The following DLGAP2 variants were observed in gnomAD, a reference collection of about 807,000 sequenced individuals.
The protein encoded by DLGAP2 is disks large-associated protein 2.
Under a neutral mutation model 100.3 loss-of-function variants are expected in DLGAP2, and 26 were observed. That is an observed-to-expected ratio of 0.26 (90% confidence interval 0.19 to 0.36). The LOEUF is 0.36. Among genes scored for constraint, DLGAP2 ranks in the 10% least tolerant of loss-of-function variants. The pLI, the probability that DLGAP2 is intolerant of heterozygous loss-of-function variation, is 1.00. For missense variants in DLGAP2, 1,858 were observed against 1,453.2 expected (o/e 1.28, Z -4.53); for synonymous variants, 886 against 630.1 (o/e 1.41, Z -6.08).
intron 1 of DLGAP2, among the ~76,000 whole-genome samples, chr8:763,754 C>G (rs1821144325): frequency 6.6e-6 from 1 of 151,866 alleles, no homozygotes; most frequent in Non-Finnish European, 1.5e-5. Context: ...GCACTGAACA[C>G]ACATGAGGTG....
chr8:1,704,292 T>C lies in DLGAP2; in HGVS notation c.*2886T>C, dbSNP rs1215865440. ...AGGAACATCATCCTAGAGAGTGTGA[T>C]GTTCACTATAACCCCATACCTACAT... On this transcript the variant is annotated 3_prime_UTR_variant, in exon 15 of 15. Transcript: ENST00000637795. The C allele has an allele frequency of 6.6e-6, 1 of 152,224 alleles. No individual in the cohort carries two copies. The highest frequency in any genetic ancestry group is 6.5e-5 in the Admixed American group (1 of 15,284). The allele number at this position is 152,224 out of a possible 1,614,324, so 9.4% of individuals were successfully genotyped here.
intron 3 of DLGAP2, among the ~76,000 whole-genome samples, chr8:1,430,245 T>C (rs10106194): frequency 0.22 from 32,746 of 151,192 alleles, 3,840 homozygotes; most frequent in East Asian, 0.34. Flanking sequence ...TAGATTTTAA[T>C]TTAGATTCTA....
chr8:1,362,406 C>T (rs1182503345), intron 3 of DLGAP2, among the ~76,000 whole-genome samples: 1 of 145,288 alleles, frequency 6.9e-6, no homozygotes, highest in Non-Finnish European at 1.5e-5. Flanking sequence ...ATGCGGACAG[C>T]AGTCCCGCCG....
intron 1 of DLGAP2, among the ~76,000 whole-genome samples, chr8:740,545 A>G (rs577640793): frequency 6.6e-6 from 1 of 152,352 alleles, no homozygotes; most frequent in East Asian, 1.9e-4. Flanking sequence ...AAATTGGTAG[A>G]AATTCCAAAT....
intron 1 of DLGAP2, among the ~76,000 whole-genome samples, chr8:830,807 T>C (rs1442326984): frequency 6.6e-6 from 1 of 152,182 alleles, no homozygotes; most frequent in African/African-American, 2.4e-5. Context: ...TTTTGTTTCA[T>C]ATGTAAGAAG....
intron 4 of DLGAP2, among the ~76,000 whole-genome samples, chr8:1,529,025 C>G (rs1800892194): frequency 6.6e-6 from 1 of 152,176 alleles, no homozygotes; most frequent in South Asian, 2.1e-4. Context: ...GGCTAAAAAT[C>G]CTTCTGTATT....
intron 2 of DLGAP2, among the ~76,000 whole-genome samples, chr8:1,015,108 C>CTG (rs749121629): frequency 8.2e-4 from 12 of 14,646 alleles, no homozygotes; most frequent in Non-Finnish European, 1.1e-3. Context: ...GACGCCTCCA[C>CTG]TGTGTGAGAC....
At chr8:1,253,498 T>C (rs1202102738) in intron 2 of DLGAP2, among the ~76,000 whole-genome samples, 15 of 152,348 alleles carry the variant, frequency 9.8e-5, no homozygotes, top group South Asian at 4.1e-4. Context: ...GTAGCCTCCA[T>C]AGATAAAATG....
In DLGAP2 at chr8:1,315,385, AG is replaced by A. The variant is rs1563077831; in HGVS notation, c.106+56503del. On this transcript the variant is annotated intron_variant, in intron 3 of 14. Coordinates refer to ENST00000637795, the MANE Select transcript of DLGAP2 (RefSeq NM_001346810.2). ...TATGCGAGTGCAGCGTCTCTCCAAC[AG>A]TGGTCTACACTCGAGAAACTCGGCA... Among the ~76,000 whole-genome samples, 718 of 141,480 alleles carry A rather than the reference AG, an allele frequency of 5.1e-3. 29 individuals carry two copies. Among genetic ancestry groups the A allele is most frequent in the African/African-American group, 0.017 (616 of 37,032 alleles). 92.8% of individuals were successfully genotyped at this position (141,480 alleles called of 152,430 possible). A position where few individuals can be genotyped will look rare whatever the true frequency, so the allele number is the denominator to read the frequency against.
intron 2 of DLGAP2, among the ~76,000 whole-genome samples, chr8:985,406 G>T (rs1161320438): frequency 6.6e-6 from 1 of 152,156 alleles, no homozygotes. Context: ...ACAAAACAAG[G>T]GCCATGACAA....
At chr8:938,736 T>C (rs1483072189) in intron 2 of DLGAP2, among the ~76,000 whole-genome samples, 3 of 152,000 alleles carry the variant, frequency 2.0e-5, no homozygotes, top group East Asian at 1.9e-4. Context: ...TGTGAGGTGG[T>C]GTGGGCACGG....
At chr8:1,599,367 T>C (rs1398138227) in intron 6 of DLGAP2, among the ~76,000 whole-genome samples, 1 of 152,214 alleles carries the variant, frequency 6.6e-6, no homozygotes, top group African/African-American at 2.4e-5. Context: ...GTTATGTAGA[T>C]GTCAATTGGG....
At chr8:1,113,344 A>G (rs539709767) in intron 2 of DLGAP2, among the ~76,000 whole-genome samples, 1 of 152,142 alleles carries the variant, frequency 6.6e-6, no homozygotes, top group East Asian at 1.9e-4. Context: ...AGCCTGGAAT[A>G]TTTTTCCATT....
intron 3 of DLGAP2, among the ~76,000 whole-genome samples, chr8:1,426,171 A>G (rs955786721): frequency 1.3e-5 from 2 of 152,230 alleles, no homozygotes; most frequent in Non-Finnish European, 2.9e-5. Context: ...GCAGCAGGAC[A>G]ACTGTGAACT....
intron 4 of DLGAP2, among the ~76,000 whole-genome samples, chr8:1,508,241 G>C (rs1284247676): frequency 7.0e-6 from 1 of 142,028 alleles, no homozygotes; most frequent in South Asian, 2.3e-4. Context: ...CTGGCCTCCT[G>C]AAGGGCGGTG....
At chr8:1,579,475 C>G (rs1339467446) in intron 6 of DLGAP2, among the ~76,000 whole-genome samples, 3 of 151,862 alleles carry the variant, frequency 2.0e-5, no homozygotes, top group African/African-American at 7.3e-5. Flanking sequence ...TACAAGCCAA[C>G]AAGCAAACTA....
intron 1 of DLGAP2, among the ~76,000 whole-genome samples, chr8:881,936 A>T (rs1370329289): frequency 6.6e-6 from 1 of 152,142 alleles, no homozygotes; most frequent in Admixed American, 6.5e-5. Context: ...GAATTTATTC[A>T]TTCCAGGATA....
intron 2 of DLGAP2, among the ~76,000 whole-genome samples, chr8:1,211,869 C>T (rs573295669): frequency 6.0e-4 from 92 of 152,254 alleles, no homozygotes; most frequent in African/African-American, 1.5e-3. Context: ...AGCGAGACTT[C>T]GTCTCAAAAA....
chr8:1,189,263 C>T (rs2116724643), intron 2 of DLGAP2, among the ~76,000 whole-genome samples: 1 of 152,284 alleles, frequency 6.6e-6, no homozygotes. Flanking sequence ...GGTTCGGGCC[C>T]CAGCGGGAGT....
Sources: allele counts gnomAD v4.1 joint callset (sites outside exome capture counted in the v4.1 genomes callset), GRCh38; gene constraint gnomAD v4.1.1; transcripts MANE v1.5; gene names NCBI Gene and HGNC (gene_info 2026-07-23, HGNC 2026-07-21).